Variants in CCT6A observed in about 807,000 individuals in gnomAD.
CCT6A encodes T-complex protein 1 subunit zeta.
In CCT6A, 6 loss-of-function variants were observed where a neutral mutation model predicts 58.6. That is an observed-to-expected ratio of 0.10 (90% confidence interval 0.06 to 0.20). The LOEUF is 0.20. Among genes scored for constraint, CCT6A ranks in the 10% least tolerant of loss-of-function variants. The pLI, the probability that CCT6A is intolerant of heterozygous loss-of-function variation, is 1.00. For missense variants in CCT6A, 516 were observed against 648.8 expected (o/e 0.80, Z 2.22); for synonymous variants, 245 against 227.8 (o/e 1.08, Z -0.68).
intron 3 of CCT6A, among the ~76,000 whole-genome samples, chr7:56,055,206 G>A (rs1393982215): frequency 5.9e-5 from 9 of 152,132 alleles, no homozygotes; most frequent in South Asian, 2.1e-4. Context: ...CCCAGGAGGT[G>A]GAGGTTGTGG....
chr7:56,060,286 C>G lies in CCT6A; in HGVS notation c.1083C>G (p.Thr361=), dbSNP rs772595363. ...YEYTLGEEKF[T]FIEKCNNPRS... is the part of the protein sequence containing the mutation. ...ACACATAGGGAGAAGAGAAGTTTAC[C>G]TTTATTGAGAAATGTAACAACCCTC... The change falls in exon 10 of 14, where the codon ACC becomes ACG. Residue 361 remains threonine (T), a synonymous_variant. Transcript: ENST00000275603. 1.2e-6 allele frequency: 2 copies of G among 1,613,634 alleles called. No homozygotes were observed. The highest frequency in any genetic ancestry group is 1.7e-6 in the Non-Finnish European group (2 of 1,179,696).
chr7:56,055,146 T>C (rs1369066185), intron 3 of CCT6A, among the ~76,000 whole-genome samples: 1 of 152,140 alleles, frequency 6.6e-6, no homozygotes, highest in African/African-American at 2.4e-5. Flanking sequence ...TGGTGGTGCA[T>C]GCCTGTAATC....
chr7:56,055,302 G>C (rs1794282170), intron 3 of CCT6A: 11 of 328,242 alleles, frequency 3.4e-5, no homozygotes, highest in Non-Finnish European at 5.9e-5. Context: ...ATAAAGATAG[G>C]ATAATGCTAC....
At chr7:56,061,690 T>TAC (rs1794443134) in intron 11 of CCT6A, 57 bp from the exon 12 acceptor site, 2 of 560,260 alleles carry the variant, frequency 3.6e-6, no homozygotes, top group African/African-American at 2.1e-5. Flanking sequence ...TTTTTTTTTT[T>TAC]TTTTACTATC....
intron 1 of CCT6A, 109 bp downstream of exon 1, chr7:56,052,094 C>A (rs1338855898): frequency 1.0e-6 from 1 of 979,258 alleles, no homozygotes. Flanking sequence ...GCGCAGCCGT[C>A]CTTCTCGGCG....
chr7:56,055,512 G>C (rs997342658), intron 3 of CCT6A, 112 bp from the exon 4 acceptor site: 5 of 860,640 alleles, frequency 5.8e-6, no homozygotes, highest in Admixed American at 4.1e-5. Flanking sequence ...ATATTACCTC[G>C]TGTTCAAAGG....
rs1434559554 is a variant in CCT6A, at chr7:56,063,770, C to A, written c.*685C>A. The stretch of plus-strand genomic sequence containing the variant: ...TTGGGTGAAATTTGAGATTGTAGGC[C>A]AACTGTATTTTCAAGCTTCTGAACT... On this transcript the variant is annotated 3_prime_UTR_variant, in exon 14 of 14. Transcript: ENST00000275603. 1 of 157,526 alleles carries A rather than the reference C, an allele frequency of 6.3e-6. No individual in the cohort carries two copies. The highest frequency in any genetic ancestry group is 1.9e-4 in the East Asian group (1 of 5,218). 9.8% of individuals were successfully genotyped at this position (157,526 alleles called of 1,614,324 possible).
At position 56,054,364 on chromosome 7, in the gene CCT6A, T is replaced by TA. The variant is rs1337375130; in HGVS notation, c.202-4dup. On this transcript the variant is annotated splice_region_variant and splice_polypyrimidine_tract_variant and intron_variant, in intron 2 of 13. Coordinates refer to ENST00000275603, the MANE Select transcript of CCT6A (RefSeq NM_001762.4). ...TTAAGTGATTCATTCTTTTTCTACTTACAGCAAATTCAACACCCAACAGCT... is the reference window on the plus strand; with the variant it reads ...TTAAGTGATTCATTCTTTTTCTACTTAACAGCAAATTCAACACCCAACAGCT... 3 of 1,598,458 alleles carry TA rather than the reference T, an allele frequency of 1.9e-6. No individual in the cohort carries two copies. The highest frequency in any genetic ancestry group is 2.2e-4 in the Middle Eastern group (1 of 4,564).
intron 3 of CCT6A, among the ~76,000 whole-genome samples, 158 bp downstream of exon 3, chr7:56,054,661 T>TG (rs1214111567): frequency 1.3e-5 from 2 of 152,238 alleles, no homozygotes; most frequent in Non-Finnish European, 2.9e-5. Flanking sequence ...ATTGTGACCT[T>TG]GGACAGGTTA....
In CCT6A at chr7:56,063,653, G is replaced by A. The variant is rs1280328729; in HGVS notation, c.*568G>A. On this transcript the variant is annotated 3_prime_UTR_variant, in exon 14 of 14. Transcript: ENST00000275603. ...AAATGGGAAGAGGAGTCAACTAGAG[G>A]CAAGGGAGTTGAGAGAGCTGCAACT... 2 of 161,722 alleles carry A rather than the reference G, an allele frequency of 1.2e-5. No individual in the cohort carries two copies. Among genetic ancestry groups the A allele is most frequent in the Admixed American group, 1.2e-4 (2 of 16,470 alleles). The allele number at this position is 161,722 out of a possible 1,614,324, so 10.0% of individuals were successfully genotyped here.
rs1429855383 is a variant in CCT6A, at chr7:56,063,168, C to T, written c.*83C>T. ...AGCTGTGGAATTTTTGTCCAAGCTT[C>T]AAATAATTTTGAAAGAAATTTTCCC... is the stretch of plus-strand genomic sequence containing the variant. On this transcript the variant is annotated 3_prime_UTR_variant, in exon 14 of 14. Coordinates refer to ENST00000275603, the MANE Select transcript of CCT6A (RefSeq NM_001762.4). 2.1e-5 allele frequency: 20 copies of T among 969,816 alleles called. No homozygotes were observed. The highest frequency in any genetic ancestry group is 3.3e-5 in the Non-Finnish European group (20 of 606,144). 60.1% of individuals were successfully genotyped at this position (969,816 alleles called of 1,614,324 possible).
At chr7:56,062,427 T>A (rs529028171) in intron 12 of CCT6A, among the ~76,000 whole-genome samples, 3 of 152,356 alleles carry the variant, frequency 2.0e-5, no homozygotes, top group Non-Finnish European at 4.4e-5. Flanking sequence ...GTTGAAGTGC[T>A]ATACTTCAGT....
In CCT6A at chr7:56,062,717, G is replaced by T; in HGVS notation, c.1485G>T (p.Trp495Cys). ...EPMVAAEVGV[W>C]DNYCVKKQLL... ...TGGTGGCAGCAGAAGTAGGCGTATG[G>T]GATAACTATTGTGTAAAGAAACAGC... Residue 495 changes from tryptophan (W) to cysteine (C), a missense_variant, in exon 13 of 14, where the codon TGG becomes TGT. Trp to Cys is a radical substitution (Grantham distance 215, BLOSUM62 -2). Around this residue, in one of 3 missense-constraint regions of CCT6A, gnomAD observed 315 missense variants for 389.4 expected, o/e 0.81. Coordinates refer to ENST00000275603, the MANE Select transcript of CCT6A (RefSeq NM_001762.4). 2 of 1,613,720 alleles carry T rather than the reference G, an allele frequency of 1.2e-6. No individual in the cohort carries two copies. The highest frequency in any genetic ancestry group is 1.7e-6 in the Non-Finnish European group (2 of 1,179,860).
At chr7:56,057,098 T>A (rs1310345438) in intron 5 of CCT6A, among the ~76,000 whole-genome samples, 2 of 152,082 alleles carry the variant, frequency 1.3e-5, no homozygotes, top group African/African-American at 2.4e-5. Context: ...TTTAAAAATA[T>A]CTTTGGATAT....
At chr7:56,055,947 A>G in intron 4 of CCT6A, 150 bp downstream of exon 4, 3 of 585,378 alleles carry the variant, frequency 5.1e-6, no homozygotes, top group Non-Finnish European at 8.8e-6. Flanking sequence ...TGTCTCTAAA[A>G]ATGAGGAAAT....
At chr7:56,052,945 C>T (rs540214665) in intron 2 of CCT6A, among the ~76,000 whole-genome samples, 1 of 152,164 alleles carries the variant, frequency 6.6e-6, no homozygotes, top group African/African-American at 2.4e-5. Context: ...AGGCTCGCGC[C>T]ACTACGCCCA....
rs141399856 is a variant in CCT6A at position 56,054,491 on chromosome 7, C to G, written c.324C>G (p.Leu108=). Residue 108 remains leucine (L), a synonymous_variant, in exon 3 of 14, where the codon CTC becomes CTG. Transcript: ENST00000275603. The part of the protein sequence containing the change: ...IIGELLKQAD[L]YISEGLHPRI... ...GAGAGCTGCTGAAACAGGCGGATCTCTACATTTCTGAAGTATGCACAACTC... is the reference window on the plus strand; with the variant it reads ...GAGAGCTGCTGAAACAGGCGGATCTGTACATTTCTGAAGTATGCACAACTC... 1.7e-4 allele frequency: 280 copies of G among 1,612,364 alleles called. No individual in the cohort carries two copies. Among genetic ancestry groups the G allele is most frequent in the Non-Finnish European group, 2.2e-4 (258 of 1,179,118 alleles).
rs1274840425 is a variant in CCT6A, at chr7:56,054,555, G to T, written c.336+52G>T. 1.9e-6 allele frequency: 3 copies of T among 1,543,992 alleles called. No homozygotes were observed. In the East Asian group the frequency reaches 6.8e-5, roughly 35 times the overall value. ...TTTTTTTTGTATATAGGAAGTGTCT[G>T]ATATTTATACAAATTGATGTGCTGT... On this transcript the variant is annotated intron_variant, in intron 3 of 13. Coordinates refer to ENST00000275603, the MANE Select transcript of CCT6A (RefSeq NM_001762.4).
chr7:56,051,790 C>T lies in CCT6A; in HGVS notation c.-59C>T. The T allele has an allele frequency of 5.2e-6, 8 of 1,532,456 alleles. No individual in the cohort carries two copies. Among genetic ancestry groups the T allele is most frequent in the Admixed American group, 2.0e-5 (1 of 49,886 alleles). 94.9% of individuals were successfully genotyped at this position (1,532,456 alleles called of 1,614,324 possible). ...AGAAGACCCGGATAGTTCCTCCCGG[C>T]CACGCCGCGCCGGCTCTGGGCACTC... On this transcript the variant is annotated 5_prime_UTR_variant, in exon 1 of 14. Coordinates refer to ENST00000275603, the MANE Select transcript of CCT6A (RefSeq NM_001762.4).
Sources: allele counts gnomAD v4.1 joint callset (sites outside exome capture counted in the v4.1 genomes callset), GRCh38; gene constraint gnomAD v4.1.1; regional missense constraint gnomAD v4.1.1; transcripts MANE v1.5; gene names NCBI Gene and HGNC (gene_info 2026-07-23, HGNC 2026-07-21).